Variants in CRPPA observed in about 807,000 individuals in gnomAD.
CRPPA encodes the protein CDP-L-ribitol pyrophosphorylase A, also known as D-ribitol-5-phosphate cytidylyltransferase.
Under a neutral mutation model 52.0 loss-of-function variants are expected in CRPPA, and 43 were observed. The observed-to-expected ratio is 0.83, with a 90% CI of 0.65 to 1.07. The LOEUF is 1.07. Among genes scored for constraint, CRPPA ranks in the 50% least tolerant of loss-of-function variants. The pLI, the probability that CRPPA is intolerant of heterozygous loss-of-function variation, is 0.00. For synonymous variants in CRPPA, 250 were observed against 203.5 expected, an observed-to-expected ratio of 1.23 and a Z score of -1.94; for missense variants, 629 against 551.7, an observed-to-expected ratio of 1.14 and a Z score of -1.40.
chr7:16,239,535 C>CATTAT (rs1360501893), intron 8 of CRPPA, among the ~76,000 whole-genome samples: 1 of 108,866 alleles, frequency 9.2e-6, no homozygotes, highest in Admixed American at 1.3e-4. Context: ...AGTCTATTTC[C>CATTAT]ATTATTTAAA....
intron 8 of CRPPA, among the ~76,000 whole-genome samples, chr7:16,231,217 C>T (rs1782786883): frequency 6.6e-6 from 1 of 152,144 alleles, no homozygotes; most frequent in African/African-American, 2.4e-5. Context: ...AACTGTCCTT[C>T]CTACTGTCTT....
At chr7:16,194,422 C>T (rs1485154672) in intron 9 of CRPPA, among the ~76,000 whole-genome samples, 1 of 152,072 alleles carries the variant, frequency 6.6e-6, no homozygotes, top group East Asian at 1.9e-4. Context: ...ACTTAATATC[C>T]ATATGCCTTT....
intron 9 of CRPPA, among the ~76,000 whole-genome samples, chr7:16,191,557 G>A (rs1527207): frequency 0.33 from 49,863 of 151,902 alleles, 8,441 homozygotes; most frequent in East Asian, 0.51. Flanking sequence ...TTGTAGCTCC[G>A]AAGGATAGCA....
chr7:16,246,433 C>A (rs997323503), intron 8 of CRPPA, among the ~76,000 whole-genome samples: 2 of 152,142 alleles, frequency 1.3e-5, no homozygotes, highest in African/African-American at 4.8e-5. Context: ...TATGACCCCC[C>A]ATGAATCACG....
intron 8 of CRPPA, among the ~76,000 whole-genome samples, chr7:16,227,588 G>A (rs183017184): frequency 2.0e-5 from 3 of 151,632 alleles, no homozygotes; most frequent in Non-Finnish European, 3.0e-5. Context: ...TCTTGATATA[G>A]AGCCAAGTTT....
intron 4 of CRPPA, among the ~76,000 whole-genome samples, chr7:16,305,112 CAAAATT>C (rs1784879955): frequency 6.6e-6 from 1 of 151,844 alleles, no homozygotes; most frequent in African/African-American, 2.4e-5. Flanking sequence ...AATAAGATCA[CAAAATT>C]AAAGTAAAAG....
At chr7:16,263,482 T>C (rs530935352) in intron 6 of CRPPA, among the ~76,000 whole-genome samples, 3 of 152,206 alleles carry the variant, frequency 2.0e-5, no homozygotes, top group Non-Finnish European at 4.4e-5. Context: ...CCAGGCGCAG[T>C]GGCTCACGCC....
In CRPPA at chr7:16,409,382, T is replaced by C. The variant is rs146206868; in HGVS notation, c.258-3045A>G. On this transcript the variant is annotated intron_variant, in intron 1 of 9. Transcript: ENST00000407010. ...TTTGTGGTAATTTTTATAGCAGCAA[T>C]AGGAATCACAAGAGCATAAATTTTA... Among the ~76,000 whole-genome samples, 444 of 152,172 alleles carry C rather than the reference T, an allele frequency of 2.9e-3. 2 individuals carry two copies. The highest frequency in any genetic ancestry group is 5.0e-3 in the Non-Finnish European group (337 of 68,018).
chr7:16,179,623 G>C (rs1781371918), intron 9 of CRPPA, among the ~76,000 whole-genome samples: 1 of 152,034 alleles, frequency 6.6e-6, no homozygotes, highest in Admixed American at 6.6e-5. Context: ...TCCTCCACTA[G>C]AGACTTGAGA....
At chr7:16,373,418 G>A (rs1786801167) in intron 3 of CRPPA, among the ~76,000 whole-genome samples, 2 of 152,180 alleles carry the variant, frequency 1.3e-5, no homozygotes, top group South Asian at 2.1e-4. Flanking sequence ...ATGATCATTC[G>A]TTTGAACAAA....
intron 5 of CRPPA, among the ~76,000 whole-genome samples, chr7:16,284,471 A>T (rs1489753554): frequency 6.6e-6 from 1 of 152,098 alleles, no homozygotes; most frequent in Non-Finnish European, 1.5e-5. Flanking sequence ...TAAGAACATA[A>T]ATTGAAATAA....
At chr7:16,215,076 C>A (rs1241210759) in intron 9 of CRPPA, among the ~76,000 whole-genome samples, 1 of 152,154 alleles carries the variant, frequency 6.6e-6, no homozygotes, top group Non-Finnish European at 1.5e-5. Flanking sequence ...AAAGATGGTC[C>A]TTATATTTAA....
chr7:16,366,468 C>T (rs1381920863), intron 3 of CRPPA, among the ~76,000 whole-genome samples: 2 of 152,138 alleles, frequency 1.3e-5, no homozygotes, highest in African/African-American at 2.4e-5. Flanking sequence ...GAAACTATAA[C>T]CACTGCTAAC....
At chr7:16,330,530 T>C (rs1392090759) in intron 3 of CRPPA, among the ~76,000 whole-genome samples, 2 of 152,120 alleles carry the variant, frequency 1.3e-5, no homozygotes, top group Non-Finnish European at 2.9e-5. Context: ...GAGGAACAAG[T>C]GCCTGCATAG....
chr7:16,283,136 G>A (rs1784351615), intron 5 of CRPPA, among the ~76,000 whole-genome samples: 1 of 151,758 alleles, frequency 6.6e-6, no homozygotes, highest in Non-Finnish European at 1.5e-5. Flanking sequence ...TTTTTATGAT[G>A]TGGGGATTAC....
At chr7:16,278,728 T>A (rs1423886004) in intron 5 of CRPPA, among the ~76,000 whole-genome samples, 1 of 152,236 alleles carries the variant, frequency 6.6e-6, no homozygotes, top group Non-Finnish European at 1.5e-5. Context: ...GTTCCTGTTT[T>A]GACTATTGCA....
chr7:16,264,053 G>C (rs1179129395), intron 6 of CRPPA, among the ~76,000 whole-genome samples: 1 of 151,882 alleles, frequency 6.6e-6, no homozygotes, highest in Admixed American at 6.6e-5. Flanking sequence ...AATTCTTTTA[G>C]TCATACTGCT....
chr7:16,131,793 C>A (rs1439280472), intron 9 of CRPPA, among the ~76,000 whole-genome samples: 1 of 152,184 alleles, frequency 6.6e-6, no homozygotes, highest in Non-Finnish European at 1.5e-5. Context: ...GTTGCCCAGG[C>A]TGTTCTCGAG....
At chr7:16,109,116 A>G (rs1415579473) in intron 9 of CRPPA, among the ~76,000 whole-genome samples, 1 of 151,906 alleles carries the variant, frequency 6.6e-6, no homozygotes, top group African/African-American at 2.4e-5. Context: ...TTAGAGGACA[A>G]CATAAAACAT....
Sources: allele counts gnomAD v4.1 joint callset (sites outside exome capture counted in the v4.1 genomes callset), GRCh38; gene constraint gnomAD v4.1.1; transcripts MANE v1.5; gene names NCBI Gene and HGNC (gene_info 2026-07-23, HGNC 2026-07-21).